The following MRPL48 variants were observed in gnomAD, a reference collection of about 807,000 sequenced individuals.
MRPL48 encodes large ribosomal subunit protein mL48.
A neutral mutation model predicts 32.9 loss-of-function variants in MRPL48; 16 were observed. The observed-to-expected ratio is 0.49, with a 90% CI of 0.33 to 0.74. MRPL48 has a LOEUF of 0.74. MRPL48 is among the 30% of genes least tolerant of loss of function. The pLI, the probability that MRPL48 is intolerant of heterozygous loss-of-function variation, is 0.02. For missense variants in MRPL48, 206 were observed against 245.3 expected, an observed-to-expected ratio of 0.84 and a Z score of 1.07; for synonymous variants, 94 against 89.2, an observed-to-expected ratio of 1.05 and a Z score of -0.31.
intron 4 of MRPL48, among the ~76,000 whole-genome samples, chr11:73,834,956 T>C (rs922298074): frequency 4.0e-5 from 6 of 151,812 alleles, no homozygotes; most frequent in African/African-American, 1.5e-4. Flanking sequence ...CTCAGCCTCC[T>C]GAGTAGCTGG....
chr11:73,809,531 T>C (rs1254775301), intron 3 of MRPL48, among the ~76,000 whole-genome samples: 1 of 151,352 alleles, frequency 6.6e-6, no homozygotes, highest in Admixed American at 6.6e-5. Context: ...GATAAAATGC[T>C]CAAAAAGTAG....
chr11:73,853,778 C>T (rs1948441688), intron 5 of MRPL48, among the ~76,000 whole-genome samples: 1 of 149,220 alleles, frequency 6.7e-6, no homozygotes, highest in Admixed American at 6.7e-5. Flanking sequence ...GCAAGCTCCG[C>T]CTCCCGGGTT....
At chr11:73,849,164 T>A (rs1335749477) in intron 5 of MRPL48, among the ~76,000 whole-genome samples, 1 of 151,984 alleles carries the variant, frequency 6.6e-6, no homozygotes, top group African/African-American at 2.4e-5. Flanking sequence ...TGAGACGGAG[T>A]CTTGCTCTGT....
intron 1 of MRPL48, among the ~76,000 whole-genome samples, chr11:73,794,901 T>G (rs1336301125): frequency 6.7e-6 from 1 of 149,016 alleles, no homozygotes; most frequent in Non-Finnish European, 1.5e-5. Context: ...TGCACCACCA[T>G]GCCCAGCTAA....
intron 3 of MRPL48, among the ~76,000 whole-genome samples, chr11:73,813,581 C>T (rs1453472289): frequency 6.6e-6 from 1 of 152,110 alleles, no homozygotes; most frequent in Non-Finnish European, 1.5e-5. Context: ...TAGCATTTCT[C>T]TGTTACATAT....
chr11:73,796,337 C>T (rs1473918587), intron 1 of MRPL48, among the ~76,000 whole-genome samples: 1 of 152,236 alleles, frequency 6.6e-6, no homozygotes, highest in Admixed American at 6.5e-5. Context: ...CTTCTCCCTG[C>T]TGTCGACACC....
At chr11:73,788,066 C>CAG in intron 1 of MRPL48, 74 bp downstream of exon 1, 1 of 1,543,728 alleles carries the variant, frequency 6.5e-7, no homozygotes, top group Non-Finnish European at 8.9e-7. Flanking sequence ...GCGGAGGGTG[C>CAG]AGAGCGGGGA....
intron 1 of MRPL48, among the ~76,000 whole-genome samples, chr11:73,789,938 C>T (rs1947117347): frequency 6.6e-6 from 1 of 152,116 alleles, no homozygotes; most frequent in Non-Finnish European, 1.5e-5. Flanking sequence ...CTTTGTCACC[C>T]AGGCTAGAGT....
At chr11:73,791,622 T>A (rs755916695) in intron 1 of MRPL48, among the ~76,000 whole-genome samples, 5 of 152,046 alleles carry the variant, frequency 3.3e-5, no homozygotes, top group Non-Finnish European at 7.4e-5. Flanking sequence ...TTTTACCATG[T>A]TACCCAAGCT....
At chr11:73,814,169 T>A (rs897758026) in intron 3 of MRPL48, among the ~76,000 whole-genome samples, 1 of 150,310 alleles carries the variant, frequency 6.7e-6, no homozygotes, top group Non-Finnish European at 1.5e-5. Context: ...GAGGGGAAGA[T>A]CACCTGAGCC....
In MRPL48 at chr11:73,821,476, T is replaced by C. The variant is rs568554075; in HGVS notation, c.113-4232T>C. ...CTAAGCCTTGCCTGTTTCTCTAAGCTCATCTCTTGCCACCCTGATCCTCTT... is the reference window on the plus strand; with the variant it reads ...CTAAGCCTTGCCTGTTTCTCTAAGCCCATCTCTTGCCACCCTGATCCTCTT... On this transcript the variant is annotated intron_variant, in intron 3 of 7. Transcript: ENST00000310614. 2.3e-4 allele frequency among the ~76,000 whole-genome samples: 35 copies of C among 152,278 alleles called. No homozygotes were observed. The South Asian group carries it at 7.3e-3, about 32-fold the overall frequency.
At chr11:73,840,110 A>C (rs193248641) in intron 4 of MRPL48, among the ~76,000 whole-genome samples, 11 of 152,164 alleles carry the variant, frequency 7.2e-5, no homozygotes, top group Non-Finnish European at 1.2e-4. Context: ...AAAAAAAAAA[A>C]AAACTCAGTT....
At chr11:73,814,998 A>G (rs1478966863) in intron 3 of MRPL48, among the ~76,000 whole-genome samples, 1 of 150,516 alleles carries the variant, frequency 6.6e-6, no homozygotes, top group Non-Finnish European at 1.5e-5. Flanking sequence ...GGTCTCATAA[A>G]TAAATAAATA....
chr11:73,818,853 G>T (rs1027942091), intron 3 of MRPL48, among the ~76,000 whole-genome samples: 1 of 152,238 alleles, frequency 6.6e-6, no homozygotes, highest in African/African-American at 2.4e-5. Context: ...TCTGGCATAT[G>T]TAAAGGAAAG....
chr11:73,846,322 C>CT (rs751691732), intron 5 of MRPL48, among the ~76,000 whole-genome samples: 16 of 151,718 alleles, frequency 1.1e-4, no homozygotes, highest in African/African-American at 1.9e-4. Context: ...CTTTCTTTTT[C>CT]TTTTTTTGTT....
At chr11:73,796,084 C>T (rs1358928071) in intron 1 of MRPL48, among the ~76,000 whole-genome samples, 1 of 152,224 alleles carries the variant, frequency 6.6e-6, no homozygotes, top group Non-Finnish European at 1.5e-5. Context: ...GAGGCGTGGC[C>T]AGAGCCAGTC....
intron 3 of MRPL48, among the ~76,000 whole-genome samples, chr11:73,822,501 G>A (rs1947801062): frequency 6.6e-6 from 1 of 152,152 alleles, no homozygotes; most frequent in Admixed American, 6.5e-5. Context: ...GCATGTAATT[G>A]TAAATGTGGA....
intron 3 of MRPL48, among the ~76,000 whole-genome samples, chr11:73,823,699 T>C (rs1220807556): frequency 6.6e-6 from 1 of 150,528 alleles, no homozygotes; most frequent in Non-Finnish European, 1.5e-5. Flanking sequence ...GATCTTCTTA[T>C]GTTGCCCGGG....
At chr11:73,788,312 CTGTG>C (rs556536375) in intron 1 of MRPL48, among the ~76,000 whole-genome samples, 86 of 152,100 alleles carry the variant, frequency 5.7e-4, no homozygotes, top group Admixed American at 9.8e-4. Flanking sequence ...TCCCGATTAA[CTGTG>C]TGACCTTGGG....
Sources: gnomAD v4.1 joint callset for allele counts (sites outside exome capture counted in the v4.1 genomes callset) on GRCh38, gnomAD v4.1.1 for gene constraint, MANE v1.5 for transcripts, NCBI Gene and HGNC (gene_info 2026-07-23, HGNC 2026-07-21) for gene names.